Variants in PTPN22 observed in about 807,000 individuals in gnomAD.
The protein encoded by PTPN22 is tyrosine-protein phosphatase non-receptor type 22.
In PTPN22, 85 loss-of-function variants were observed where a neutral mutation model predicts 103.3. The observed-to-expected ratio is 0.82, with a 90% confidence interval of 0.69 to 0.99. The LOEUF is 0.99. Among genes scored for constraint, PTPN22 ranks in the 50% least tolerant of loss-of-function variants. The pLI, the probability that PTPN22 is intolerant of heterozygous loss-of-function variation, is 0.00. For synonymous variants in PTPN22, 323 were observed against 310.2 expected, an observed-to-expected ratio of 1.04 and a Z score of -0.43; for missense variants, 865 against 936.9, an observed-to-expected ratio of 0.92 and a Z score of 1.00.
intron 10 of PTPN22, among the ~76,000 whole-genome samples, chr1:113,851,207 C>T (rs1393848862): frequency 6.6e-6 from 1 of 150,976 alleles, no homozygotes; most frequent in African/African-American, 2.4e-5. Flanking sequence ...GGCTGGAGTG[C>T]AGTCGTGTGA....
At chr1:113,820,166 G>T (rs1391280377) in intron 19 of PTPN22, among the ~76,000 whole-genome samples, 10 of 151,510 alleles carry the variant, frequency 6.6e-5, no homozygotes, top group Non-Finnish European at 1.5e-4. Flanking sequence ...TCTAATTTAG[G>T]CCCATAACCG....
intron 13 of PTPN22, 89 bp downstream of exon 13, chr1:113,837,498 AGAG>A (rs1292512870): frequency 4.7e-6 from 4 of 847,122 alleles, no homozygotes; most frequent in South Asian, 1.9e-5. Context: ...GAGAAGAAGC[AGAG>A]GAGAAGAGGG....
At position 113,849,600 on chromosome 1, in the gene PTPN22, T is replaced by A. The variant is rs1162551616; in HGVS notation, c.829-974A>T. 6.5e-3 allele frequency among the ~76,000 whole-genome samples: 987 copies of A among 151,848 alleles called. 8 individuals are homozygous for A. The highest frequency in any genetic ancestry group is 0.012 in the Non-Finnish European group (830 of 67,896). ...TTTATTTATTTATTTATTTATTTTT[T>A]TTTTTGAGACACGGTCTCACCGTGT... On this transcript the variant is annotated intron_variant, in intron 10 of 20. Transcript: ENST00000359785.
At chr1:113,829,243 TATTTTTATTTTTTA>T (rs1441432937) in intron 18 of PTPN22, 1 of 152,634 alleles carries the variant, frequency 6.6e-6, no homozygotes, top group African/African-American at 2.4e-5. Flanking sequence ...CATTTATTTT[TATTTTTATTTTTTA>T]ATTTTTATTT....
At chr1:113,815,717 C>T (rs187439363) in intron 20 of PTPN22, among the ~76,000 whole-genome samples, 5 of 152,278 alleles carry the variant, frequency 3.3e-5, no homozygotes, top group East Asian at 3.9e-4. Context: ...CTTGCTCTGT[C>T]GCCCAGGCTG....
rs147522888 is a variant in PTPN22 at position 113,862,771 on chromosome 1, C to A, written c.88-3311G>T. On this transcript the variant is annotated intron_variant, in intron 1 of 20. Transcript: ENST00000359785. The stretch of plus-strand genomic sequence containing the variant: ...TGCAAGGTAGTTCCTCAGTGCCTTG[C>A]AAATATAGGTCAGTATTATACCAAG... Among the ~76,000 whole-genome samples the A allele has an allele frequency of 9.4e-3, 1,431 of 152,088 alleles. 12 individuals are homozygous for A. The highest frequency in any genetic ancestry group is 0.012 in the Non-Finnish European group (816 of 67,996).
rs1351001407 is a variant in PTPN22 at position 113,843,108 on chromosome 1, A to AAAAAAAAAAAG, written c.916-4489_916-4488insCTTTTTTTTTT. 7.0e-3 allele frequency among the ~76,000 whole-genome samples: 1,018 copies of AAAAAAAAAAAG among 146,130 alleles called. 41 individuals carry two copies. The highest frequency in any genetic ancestry group is 0.011 in the Non-Finnish European group (752 of 66,408). On this transcript the variant is annotated intron_variant, in intron 11 of 20. Transcript: ENST00000359785. ...GAGCGAGACTCCGTCTCAAAAAAAA[A>AAAAAAAAAAAG]AAAAAAGAAAACTAAACATAGAATT...
chr1:113,837,029 C>T (rs1339096089), intron 13 of PTPN22, among the ~76,000 whole-genome samples: 1 of 152,104 alleles, frequency 6.6e-6, no homozygotes, highest in Non-Finnish European at 1.5e-5. Context: ...AGATCCTGTA[C>T]CAGATCTTGA....
intron 18 of PTPN22, among the ~76,000 whole-genome samples, chr1:113,829,331 G>C (rs925761090): frequency 6.6e-6 from 1 of 151,888 alleles, no homozygotes; most frequent in African/African-American, 2.4e-5. Context: ...AGGGTTTGCT[G>C]TACAGATAAT....
At chr1:113,871,399 C>CTTTTTTTTTTTT in intron 1 of PTPN22, 138 bp downstream of exon 1, 1 of 596,344 alleles carries the variant, frequency 1.7e-6, no homozygotes, top group Non-Finnish European at 2.9e-6. Context: ...AGAAGTCAAA[C>CTTTTTTTTTTTT]TTTTTTTTTT....
Position 113,854,895 on chromosome 1 carries a change from A to G in PTPN22, c.683+12T>C. The G allele has an allele frequency of 6.2e-7, 1 of 1,611,932 alleles. No individual in the cohort carries two copies. The highest frequency in any genetic ancestry group is 8.5e-7 in the Non-Finnish European group (1 of 1,178,490). ...TTCATTTTGGGTAGAAGGTTTATATATAGTGTCATACCTGCAGTGAATGCA... is the reference window on the plus strand; with the variant it reads ...TTCATTTTGGGTAGAAGGTTTATATGTAGTGTCATACCTGCAGTGAATGCA... On this transcript the variant is annotated intron_variant, in intron 8 of 20. Transcript: ENST00000359785.
intron 1 of PTPN22, among the ~76,000 whole-genome samples, chr1:113,865,478 G>A (rs544472851): frequency 2.6e-5 from 4 of 152,226 alleles, no homozygotes; most frequent in East Asian, 1.9e-4. Flanking sequence ...ACGAGATCAC[G>A]TACGGCAAAG....
intron 4 of PTPN22, 27 bp downstream of exon 4, chr1:113,858,451 A>G (rs755578759): frequency 6.7e-7 from 1 of 1,489,722 alleles, no homozygotes; most frequent in Non-Finnish European, 9.2e-7. Context: ...GTAGAGAATA[A>G]AGTAACAAAA....
chr1:113,859,022 T>G, exon 3 of PTPN22: 3 of 1,613,948 alleles, frequency 1.9e-6, no homozygotes, highest in Non-Finnish European at 2.5e-6. Flanking sequence ...TTGGCATTGA[T>G]GTAGCTGGAA....
At chr1:113,850,307 A>G (rs1664477138) in intron 10 of PTPN22, among the ~76,000 whole-genome samples, 1 of 152,096 alleles carries the variant, frequency 6.6e-6, no homozygotes, top group South Asian at 2.1e-4. Flanking sequence ...TCAGACAGGA[A>G]GCTCTCATCT....
chr1:113,836,825 C>G (rs1663062257), intron 13 of PTPN22, among the ~76,000 whole-genome samples: 2 of 151,816 alleles, frequency 1.3e-5, no homozygotes, highest in Admixed American at 6.6e-5. Context: ...ACTTGGGAGG[C>G]TGAGGTGGGA....
intron 16 of PTPN22, among the ~76,000 whole-genome samples, chr1:113,832,412 T>A (rs1183521492): frequency 1.3e-5 from 2 of 152,180 alleles, no homozygotes; most frequent in Non-Finnish European, 2.9e-5. Context: ...TCTCTTGACC[T>A]CGTGATCCGC....
chr1:113,865,332 T>C (rs1308253092), intron 1 of PTPN22, among the ~76,000 whole-genome samples: 1 of 152,186 alleles, frequency 6.6e-6, no homozygotes, highest in Non-Finnish European at 1.5e-5. Context: ...AAAGTCATGA[T>C]TTTTACCTGA....
intron 14 of PTPN22, among the ~76,000 whole-genome samples, 154 bp from the exon 15 acceptor site, chr1:113,834,593 C>T (rs1662818823): frequency 6.6e-6 from 1 of 152,196 alleles, no homozygotes. Context: ...GGGTCTTGCT[C>T]TGTCACCCAG....
Sources: gnomAD v4.1 joint callset for allele counts (sites outside exome capture counted in the v4.1 genomes callset) on GRCh38, gnomAD v4.1.1 for gene constraint, MANE v1.5 for transcripts, NCBI Gene and HGNC (gene_info 2026-07-23, HGNC 2026-07-21) for gene names.